B3GALT1: variants seen among roughly 807,000 people sequenced by gnomAD.
The protein encoded by B3GALT1 is beta-1,3-galactosyltransferase 1, also known as UDP-Gal:betaGlcNAc beta 1,3-galactosyltransferase, polypeptide 1.
In B3GALT1, 10 loss-of-function variants were observed where a neutral mutation model predicts 23.2. The observed-to-expected ratio is 0.43, with a 90% CI of 0.27 to 0.73. B3GALT1 has a LOEUF of 0.73. Among genes scored for constraint, B3GALT1 ranks in the 30% least tolerant of loss-of-function variants. B3GALT1 has a pLI of 0.21. For synonymous variants in B3GALT1, 156 were observed against 141.5 expected (o/e 1.10, Z -0.73); for missense variants, 299 against 405.4 (o/e 0.74, Z 2.25).
intron 4 of B3GALT1, among the ~76,000 whole-genome samples, chr2:167,842,241 A>C (rs1403816812): frequency 1.3e-5 from 2 of 152,192 alleles, no homozygotes; most frequent in South Asian, 4.1e-4. Flanking sequence ...CCTAGAGAGA[A>C]GTAGCAACCA....
rs551298356 is a variant in B3GALT1, at chr2:167,293,013, G to T, written c.-832G>T. On this transcript the variant is annotated 5_prime_UTR_variant, in exon 1 of 5. Coordinates refer to ENST00000392690, the MANE Select transcript of B3GALT1 (RefSeq NM_020981.4). Reference sequence around the variant, plus strand: ...AGTCGCCGAGGCCAGAGCCATCGCCGGGGAAGCGCAGCCGGGCTCGGGTGC... The same window carrying T: ...AGTCGCCGAGGCCAGAGCCATCGCCTGGGAAGCGCAGCCGGGCTCGGGTGC... Among the ~76,000 whole-genome samples, 1 of 152,008 alleles carries T rather than the reference G, an allele frequency of 6.6e-6. No homozygotes were observed. Among genetic ancestry groups the T allele is most frequent in the African/African-American group, 2.4e-5 (1 of 41,440 alleles).
rs73024073 is a variant in B3GALT1 at position 167,518,473 on chromosome 2, G to T, written c.-410+28196G>T. On this transcript the variant is annotated intron_variant, in intron 2 of 4. Transcript: ENST00000392690. ...AAAAAGAAAAATATTTTAGACATTAGGGTAAAATGTGAGAGAATAAAACAA... is the reference window on the plus strand; with the variant it reads ...AAAAAGAAAAATATTTTAGACATTATGGTAAAATGTGAGAGAATAAAACAA... 3.7e-3 allele frequency among the ~76,000 whole-genome samples: 562 copies of T among 152,224 alleles called. 3 individuals are homozygous for T. The highest frequency in any genetic ancestry group is 0.013 in the African/African-American group (547 of 41,560).
At chr2:167,521,984 GTATA>G (rs550521896) in intron 2 of B3GALT1, among the ~76,000 whole-genome samples, 277 of 122,618 alleles carry the variant, frequency 2.3e-3, no homozygotes, top group African/African-American at 7.0e-3. Flanking sequence ...GTGTGTGTGT[GTATA>G]TATATATATA....
chr2:167,806,544 TC>T (rs1461487665), intron 3 of B3GALT1, among the ~76,000 whole-genome samples: 1 of 152,244 alleles, frequency 6.6e-6, no homozygotes, highest in East Asian at 1.9e-4. Context: ...TTGAATTTTG[TC>T]AAAGGCCTTT....
At chr2:167,774,330 A>G (rs1688121126) in intron 3 of B3GALT1, among the ~76,000 whole-genome samples, 1 of 152,140 alleles carries the variant, frequency 6.6e-6, no homozygotes, top group African/African-American at 2.4e-5. Context: ...CCATATCAAA[A>G]TGAGAATATC....
chr2:167,325,971 C>T (rs1696886529), intron 1 of B3GALT1, among the ~76,000 whole-genome samples: 2 of 151,990 alleles, frequency 1.3e-5, no homozygotes, highest in Admixed American at 1.3e-4. Context: ...CCGCCTTGGC[C>T]TCCCAAAGTG....
At chr2:167,603,804 A>G (rs1440348236) in intron 2 of B3GALT1, among the ~76,000 whole-genome samples, 1 of 152,324 alleles carries the variant, frequency 6.6e-6, no homozygotes. Context: ...AGAGACTGTC[A>G]TCACATAGAT....
At chr2:167,359,172 TA>T (rs1697461675) in intron 1 of B3GALT1, among the ~76,000 whole-genome samples, 1 of 152,182 alleles carries the variant, frequency 6.6e-6, no homozygotes, top group South Asian at 2.1e-4. Context: ...AAATACCTGT[TA>T]AAAATATCCT....
At chr2:167,363,142 A>G (rs937683477) in intron 1 of B3GALT1, among the ~76,000 whole-genome samples, 1 of 151,758 alleles carries the variant, frequency 6.6e-6, no homozygotes, top group Admixed American at 6.6e-5. Flanking sequence ...GGCTTAAGCC[A>G]CCACGCCCGG....
intron 2 of B3GALT1, among the ~76,000 whole-genome samples, chr2:167,526,892 C>A (rs982037851): frequency 1.3e-5 from 2 of 151,754 alleles, no homozygotes; most frequent in African/African-American, 4.8e-5. Context: ...CATTTTCTTG[C>A]ATTTCCTTTC....
chr2:167,629,859 C>T (rs1308133302), intron 2 of B3GALT1, among the ~76,000 whole-genome samples: 1 of 151,726 alleles, frequency 6.6e-6, no homozygotes, highest in African/African-American at 2.4e-5. Flanking sequence ...TTTGTGGTGA[C>T]ACCAGCTCAT....
At chr2:167,585,656 G>A (rs1419469567) in intron 2 of B3GALT1, among the ~76,000 whole-genome samples, 4 of 152,004 alleles carry the variant, frequency 2.6e-5, no homozygotes, top group South Asian at 2.1e-4. Context: ...TATTTTTTAC[G>A]ATCTAATAAT....
Position 167,873,593 on chromosome 2 carries a change from G to T in B3GALT1, c.*3573G>T, listed in dbSNP as rs1445341794. On this transcript the variant is annotated 3_prime_UTR_variant, in exon 5 of 5. Transcript: ENST00000392690. ...TTGATTATGTCATTTCTTCTGTAAA[G>T]GTGAAAATCGTTTTTATAAACAACA... 1.3e-5 allele frequency: 2 copies of T among 152,104 alleles called. No homozygotes were observed. Among genetic ancestry groups the T allele is most frequent in the African/African-American group, 4.8e-5 (2 of 41,414 alleles). The allele number at this position is 152,104 out of a possible 1,614,324, so 9.4% of individuals were successfully genotyped here. A position where few individuals can be genotyped will look rare whatever the true frequency, so the allele number is the denominator to read the frequency against.
At chr2:167,324,442 A>G (rs1288230812) in intron 1 of B3GALT1, among the ~76,000 whole-genome samples, 2 of 152,082 alleles carry the variant, frequency 1.3e-5, no homozygotes, top group Non-Finnish European at 2.9e-5. Context: ...AATCATGAGT[A>G]ATCAATTATT....
chr2:167,538,437 T>A (rs1683468155), intron 2 of B3GALT1, among the ~76,000 whole-genome samples: 1 of 152,166 alleles, frequency 6.6e-6, no homozygotes, highest in Non-Finnish European at 1.5e-5. Flanking sequence ...CTGAGAATAG[T>A]AGGGTGGTTG....
At chr2:167,868,745 G>A (rs1690282902) in intron 4 of B3GALT1, among the ~76,000 whole-genome samples, 66 bp from the exon 5 acceptor site, 1 of 152,148 alleles carries the variant, frequency 6.6e-6, no homozygotes. Context: ...CCCTTGTTAT[G>A]TTTATTTCAG....
intron 3 of B3GALT1, among the ~76,000 whole-genome samples, chr2:167,676,945 A>C (rs1686439378): frequency 6.6e-6 from 1 of 152,152 alleles, no homozygotes; most frequent in African/African-American, 2.4e-5. Flanking sequence ...TTAAAATTCA[A>C]ATTTGGTCCT....
chr2:167,648,025 TCAACTCTAAC>T (rs1426857339), intron 3 of B3GALT1, among the ~76,000 whole-genome samples: 1 of 152,168 alleles, frequency 6.6e-6, no homozygotes, highest in African/African-American at 2.4e-5. Context: ...GATGAATTTT[TCAACTCTAAC>T]TCATCCTTTT....
intron 2 of B3GALT1, among the ~76,000 whole-genome samples, chr2:167,551,545 T>C (rs1219214450): frequency 6.6e-6 from 1 of 151,898 alleles, no homozygotes; most frequent in African/African-American, 2.4e-5. Context: ...CAGTTTGTGT[T>C]TCACAGAAAT....
Sources: gnomAD v4.1 joint callset for allele counts (sites outside exome capture counted in the v4.1 genomes callset) on GRCh38, gnomAD v4.1.1 for gene constraint, MANE v1.5 for transcripts, NCBI Gene and HGNC (gene_info 2026-07-23, HGNC 2026-07-21) for gene names.